Variants in OSGIN1 observed in about 807,000 individuals in gnomAD.
OSGIN1 encodes oxidative stress-induced growth inhibitor 1.
A neutral mutation model predicts 20.1 loss-of-function variants in OSGIN1; 19 were observed. The observed-to-expected ratio is 0.95, with a 90% CI of 0.66 to 1.39. The LOEUF is 1.39. OSGIN1 is among the 40% of genes most tolerant of loss of function. OSGIN1 has a pLI of 0.00. For missense variants in OSGIN1, 820 were observed against 653.0 expected, an observed-to-expected ratio of 1.26 and a Z score of -2.79; for synonymous variants, 368 against 297.8, an observed-to-expected ratio of 1.24 and a Z score of -2.43.
Position 83,953,355 on chromosome 16 carries a change from C to T in OSGIN1, c.-48C>T, listed in dbSNP as rs1908779992. On this transcript the variant is annotated 5_prime_UTR_variant, in exon 1 of 6. Transcript: ENST00000393306. ...CTTGGCCGGGCTCACTGGGCTCCTGCACCACTGCCTGTCAGGTGAGTGTCC... is the reference window on the plus strand; with the variant it reads ...CTTGGCCGGGCTCACTGGGCTCCTGTACCACTGCCTGTCAGGTGAGTGTCC... The T allele has an allele frequency of 7.8e-7, 1 of 1,288,950 alleles. No homozygotes were observed. Among genetic ancestry groups the T allele is most frequent in the Non-Finnish European group, 1.0e-6 (1 of 988,562 alleles). The allele number at this position is 1,288,950 out of a possible 1,614,324, so 79.8% of individuals were successfully genotyped here.
At chr16:83,955,670 C>T (rs1274902893) in intron 1 of OSGIN1, among the ~76,000 whole-genome samples, 2 of 152,230 alleles carry the variant, frequency 1.3e-5, no homozygotes, top group Non-Finnish European at 2.9e-5. Context: ...ATGGAAATGT[C>T]AGCCACATGC....
rs1164568115 is a variant in OSGIN1, at chr16:83,961,051, A to T, written c.467A>T (p.Asp156Val). 1 of 1,613,488 alleles carries T rather than the reference A, an allele frequency of 6.2e-7. No individual in the cohort carries two copies. The highest frequency in any genetic ancestry group is 8.5e-7 in the Non-Finnish European group (1 of 1,179,970). The change falls in exon 5 of 6, where the codon GAC (aspartate) becomes GTC (valine). Residue 156 changes from aspartate (D) to valine (V), a missense_variant. Coordinates refer to ENST00000393306, the MANE Select transcript of OSGIN1 (RefSeq NM_182981.3). ...WMGLPDLEVK[D>V]WMQKKRRGLR... Reference sequence around the variant, plus strand: ...GGGCTCCCGGACCTGGAGGTCAAGGACTGGATGCAGAAGAAGCGAAGGTGA... The same window carrying T: ...GGGCTCCCGGACCTGGAGGTCAAGGTCTGGATGCAGAAGAAGCGAAGGTGA...
rs74032332 is a variant in OSGIN1, at chr16:83,960,526, C to T, written c.205-43C>T. 364 of 1,531,934 alleles carry T rather than the reference C, an allele frequency of 2.4e-4. 2 individuals carry two copies. In the African/African-American group the frequency reaches 3.3e-3, roughly 14 times the overall value. 94.9% of individuals were successfully genotyped at this position (1,531,934 alleles called of 1,614,324 possible). A position where few individuals can be genotyped will look rare whatever the true frequency, so the allele number is the denominator to read the frequency against. On this transcript the variant is annotated intron_variant, in intron 3 of 5. Transcript: ENST00000393306. ...AGCCTCAGGCTCTGGGAAGACGACCCCGCCCTCCTCCAGCAGCCCCTCTGA... is the reference window on the plus strand; with the variant it reads ...AGCCTCAGGCTCTGGGAAGACGACCTCGCCCTCCTCCAGCAGCCCCTCTGA...
rs772430274 is a variant in OSGIN1, at chr16:83,965,296, C to T, written c.723C>T (p.Asn241=). The change falls in exon 6 of 6, where the codon AAC becomes AAT. Residue 241 remains asparagine, a synonymous_variant. Transcript: ENST00000393306. ...AQQPFSLWAR[N]VVLATGTFDS... ...AGCCCTTCTCGCTGTGGGCCCGCAA[C>T]GTGGTCCTCGCCACAGGCACGTTCG... 126 of 1,598,656 alleles carry T rather than the reference C, an allele frequency of 7.9e-5. No individual in the cohort carries two copies. The highest frequency in any genetic ancestry group is 9.8e-5 in the Non-Finnish European group (115 of 1,171,978).
Position 83,953,462 on chromosome 16 carries a change from C to A in OSGIN1, c.-33+92C>A. On this transcript the variant is annotated intron_variant, in intron 1 of 5. Transcript: ENST00000393306. ...AGCTGGACCGGAGGGTCTGCAGAGC[C>A]CTGGCGCCAGGCGGGGGTCCCGGGT... 7.7e-6 allele frequency: 9 copies of A among 1,173,864 alleles called. No homozygotes were observed. The South Asian group carries it at 1.1e-4, about 14-fold the overall frequency. 72.7% of individuals were successfully genotyped at this position (1,173,864 alleles called of 1,614,324 possible). A position where few individuals can be genotyped will look rare whatever the true frequency, so the allele number is the denominator to read the frequency against.
rs922055576 is a variant in OSGIN1 at position 83,965,952 on chromosome 16, G to T, written c.1379G>T (p.Gly460Val). The T allele has an allele frequency of 1.2e-6, 2 of 1,610,326 alleles. No homozygotes were observed. The highest frequency in any genetic ancestry group is 1.7e-6 in the Non-Finnish European group (2 of 1,178,966). ...AACTTCGTGAGGTTTGTGCAGGGGG[G>T]CGCCTTGGCTGTGGCCAGCTCCCTG... is the stretch of plus-strand genomic sequence containing the variant. Reference protein sequence around the residue: ...GDNFVRFVQGGALAVASSLLR... With the variant: ...GDNFVRFVQGVALAVASSLLR... Residue 460 changes from glycine (G) to valine (V), a missense_variant, in exon 6 of 6, where the codon GGC becomes GTC. Coordinates refer to ENST00000393306, the MANE Select transcript of OSGIN1 (RefSeq NM_182981.3).
chr16:83,962,540 T>A lies in OSGIN1; in HGVS notation c.488+1468T>A, dbSNP rs188022425. 2.1e-3 allele frequency among the ~76,000 whole-genome samples: 315 copies of A among 152,266 alleles called. 1 individual carries two copies. Among genetic ancestry groups the A allele is most frequent in the African/African-American group, 7.0e-3 (290 of 41,560 alleles). ...ACAGGCGTGAGCCACCACGCCAGGC[T>A]AATTTAGGAAGTTTAATTGCCAAGG... On this transcript the variant is annotated intron_variant, in intron 5 of 5. Coordinates refer to ENST00000393306, the MANE Select transcript of OSGIN1 (RefSeq NM_182981.3).
In OSGIN1 at chr16:83,966,162, C is replaced by T. The variant is rs1391989883; in HGVS notation, c.*155C>T. 2 of 646,164 alleles carry T rather than the reference C, an allele frequency of 3.1e-6. No homozygotes were observed. Among genetic ancestry groups the T allele is most frequent in the Admixed American group, 3.1e-5 (1 of 32,380 alleles). The allele number at this position is 646,164 out of a possible 1,614,324, so 40.0% of individuals were successfully genotyped here. Reference sequence around the variant, plus strand: ...AGAGGAGTAGGGATCCCAGGCTGCCCTGGACTTAGACCAGTGTCTGAGGTG... The same window carrying T: ...AGAGGAGTAGGGATCCCAGGCTGCCTTGGACTTAGACCAGTGTCTGAGGTG... On this transcript the variant is annotated 3_prime_UTR_variant, in exon 6 of 6. Transcript: ENST00000393306.
chr16:83,963,588 A>G (rs2084241247), intron 5 of OSGIN1, among the ~76,000 whole-genome samples: 1 of 152,196 alleles, frequency 6.6e-6, no homozygotes, highest in African/African-American at 2.4e-5. Context: ...GTTCTGTGTC[A>G]CAATCTTTAC....
At chr16:83,962,115 C>G (rs1412111912) in intron 5 of OSGIN1, among the ~76,000 whole-genome samples, 1 of 152,130 alleles carries the variant, frequency 6.6e-6, no homozygotes, top group Non-Finnish European at 1.5e-5. Context: ...TCTCCACGCC[C>G]TTTCACTCCT....
At chr16:83,954,776 T>C (rs1908847091) in intron 1 of OSGIN1, 1 of 982,594 alleles carries the variant, frequency 1.0e-6, no homozygotes, top group South Asian at 4.7e-5. Context: ...TGTCCTCTGC[T>C]GCCTGCAAAG....
intron 1 of OSGIN1, 55 bp downstream of exon 1, chr16:83,953,425 C>T (rs1161366001): frequency 7.8e-7 from 1 of 1,278,128 alleles, no homozygotes; most frequent in Non-Finnish European, 1.0e-6. Context: ...CCCAGGCACC[C>T]GTGGCAAGCC....
At position 83,965,813 on chromosome 16, in the gene OSGIN1, G is replaced by A. The variant is rs201285659; in HGVS notation, c.1240G>A (p.Val414Met). 2 of 1,612,964 alleles carry A rather than the reference G, an allele frequency of 1.2e-6. No individual in the cohort carries two copies. The highest frequency in any genetic ancestry group is 3.3e-5 in the Admixed American group (2 of 60,022). The change falls in exon 6 of 6, where the codon GTG becomes ATG. Residue 414 changes from valine to methionine, a missense_variant. By Grantham distance (21) the Val-to-Met change is conservative. Transcript: ENST00000393306. ...FLPGAGADFA[V>M]DPDQPLSAKR... is the part of the protein sequence containing the mutation. ...GCCTGGGGCAGGGGCTGACTTTGCA[G>A]TGGATCCTGACCAGCCGCTGAGCGC...
rs766739049 is a variant in OSGIN1, at chr16:83,965,843, A to G, written c.1270A>G (p.Arg424Gly). ...VDPDQPLSAK[R>G]NPIDVDPFTY... ...TCCTGACCAGCCGCTGAGCGCCAAG[A>G]GGAACCCCATTGACGTGGACCCCTT... The change falls in exon 6 of 6, where the codon AGG becomes GGG. Residue 424 changes from arginine to glycine, a missense_variant. Physicochemically the swap from Arg to Gly is moderately radical, Grantham distance 125. Coordinates refer to ENST00000393306, the MANE Select transcript of OSGIN1 (RefSeq NM_182981.3). The G allele has an allele frequency of 1.2e-6, 2 of 1,613,000 alleles. No homozygotes were observed. Among genetic ancestry groups the G allele is most frequent in the South Asian group, 1.1e-5 (1 of 91,082 alleles).
rs771617641 is a variant in OSGIN1, at chr16:83,966,000, C to T, written c.1427C>T (p.Pro476Leu). ...SSLLRKETRK[P>L]P ...CTGCTAAGGAAGGAGACCAGGAAGCCACCCTAACACTCGGCCAGACCCGCT... is the reference window on the plus strand; with the variant it reads ...CTGCTAAGGAAGGAGACCAGGAAGCTACCCTAACACTCGGCCAGACCCGCT... Residue 476 changes from proline to leucine, a missense_variant, in exon 6 of 6, where the codon CCA (proline) becomes CTA (leucine). Physicochemically the swap from Pro to Leu is moderately conservative, Grantham distance 98. Transcript: ENST00000393306. The T allele has an allele frequency of 4.7e-5, 73 of 1,564,260 alleles. No homozygotes were observed. The highest frequency in any genetic ancestry group is 5.6e-5 in the Non-Finnish European group (65 of 1,156,678).
intron 2 of OSGIN1, among the ~76,000 whole-genome samples, chr16:83,958,639 G>C (rs868238970): frequency 1.1e-4 from 16 of 152,230 alleles, no homozygotes; most frequent in African/African-American, 3.1e-4. Flanking sequence ...CAGATAAAAA[G>C]AGAAGCGCTA....
In OSGIN1 at chr16:83,965,604, T is replaced by C. The variant is rs753438524; in HGVS notation, c.1031T>C (p.Met344Thr). ...YPEYHKVHQM[M>T]REQSILSPSP... ...GAGTACCACAAGGTGCACCAGATGA[T>C]GCGGGAGCAGTCCATCCTGTCGCCC... Residue 344 changes from methionine to threonine, a missense_variant, in exon 6 of 6, where the codon ATG (methionine) becomes ACG (threonine). By Grantham distance (81) the Met-to-Thr change is moderately conservative. Coordinates refer to ENST00000393306, the MANE Select transcript of OSGIN1 (RefSeq NM_182981.3). The C allele has an allele frequency of 1.2e-6, 2 of 1,612,952 alleles. No homozygotes were observed. The highest frequency in any genetic ancestry group is 1.3e-5 in the African/African-American group (1 of 74,918).
intron 1 of OSGIN1, 85 bp downstream of exon 1, chr16:83,953,455 G>A: frequency 2.5e-6 from 3 of 1,203,286 alleles, no homozygotes; most frequent in Non-Finnish European, 3.3e-6. Flanking sequence ...CGGAGGGTCT[G>A]CAGAGCCCTG....
chr16:83,956,772 C>T (rs1044897807), intron 1 of OSGIN1, among the ~76,000 whole-genome samples: 3 of 152,224 alleles, frequency 2.0e-5, no homozygotes, highest in Non-Finnish European at 4.4e-5. Context: ...AAGGGTGTTG[C>T]CTTGTGGTCC....
Sources: gnomAD v4.1 joint callset for allele counts (sites outside exome capture counted in the v4.1 genomes callset) on GRCh38, gnomAD v4.1.1 for gene constraint, MANE v1.5 for transcripts, NCBI Gene and HGNC (gene_info 2026-07-23, HGNC 2026-07-21) for gene names.